MAN1A1: variants seen among roughly 807,000 people sequenced by gnomAD.
MAN1A1 encodes mannosyl-oligosaccharide 1,2-alpha-mannosidase IA.
MAN1A1 carries 29 observed loss-of-function variants against 70.8 expected under a neutral mutation model. The observed-to-expected ratio is 0.41, with a 90% confidence interval of 0.31 to 0.56. MAN1A1 has a LOEUF of 0.56. Among genes scored for constraint, MAN1A1 ranks in the 20% least tolerant of loss-of-function variants. The pLI is 0.29. For synonymous variants in MAN1A1, 349 were observed against 330.1 expected, an observed-to-expected ratio of 1.06 and a Z score of -0.62; for missense variants, 747 against 841.3, an observed-to-expected ratio of 0.89 and a Z score of 1.39.
chr6:119,219,619 C>A (rs1357582286), intron 6 of MAN1A1, among the ~76,000 whole-genome samples: 1 of 63,444 alleles, frequency 1.6e-5, no homozygotes, highest in Non-Finnish European at 2.9e-5. Context: ...CAATTTTAGA[C>A]ATCTACTCAA....
chr6:119,271,738 A>C (rs1278340539), intron 5 of MAN1A1, among the ~76,000 whole-genome samples: 1 of 152,106 alleles, frequency 6.6e-6, no homozygotes, highest in Non-Finnish European at 1.5e-5. Context: ...TCCTGACCTC[A>C]GGTGATCTGC....
At chr6:119,190,584 A>G (rs997771175) in intron 9 of MAN1A1, among the ~76,000 whole-genome samples, 1 of 152,218 alleles carries the variant, frequency 6.6e-6, no homozygotes, top group Non-Finnish European at 1.5e-5. Context: ...TATAATTATC[A>G]TTTACATCTC....
intron 6 of MAN1A1, among the ~76,000 whole-genome samples, chr6:119,242,178 G>C (rs1208552843): frequency 6.7e-6 from 1 of 148,318 alleles, no homozygotes; most frequent in Non-Finnish European, 1.5e-5. Context: ...CATTAATTAG[G>C]CACTAGCTAG....
chr6:119,199,428 T>C (rs1264254096), intron 8 of MAN1A1, among the ~76,000 whole-genome samples: 1 of 151,788 alleles, frequency 6.6e-6, no homozygotes, highest in Non-Finnish European at 1.5e-5. Context: ...TTTTCCTTGA[T>C]GCAACTATCA....
chr6:119,323,393 G>A (rs1221099235), intron 2 of MAN1A1, among the ~76,000 whole-genome samples: 1 of 152,110 alleles, frequency 6.6e-6, no homozygotes, highest in African/African-American at 2.4e-5. Flanking sequence ...TGAGACAAAT[G>A]TATTTCTAAT....
chr6:119,229,116 A>G (rs966742946), intron 6 of MAN1A1, among the ~76,000 whole-genome samples: 1 of 152,144 alleles, frequency 6.6e-6, no homozygotes, highest in East Asian at 1.9e-4. Flanking sequence ...ATTTGAGGCA[A>G]GAACTTTATT....
intron 8 of MAN1A1, among the ~76,000 whole-genome samples, chr6:119,199,754 A>G (rs1383888091): frequency 1.3e-5 from 2 of 151,200 alleles, no homozygotes; most frequent in African/African-American, 4.9e-5. Context: ...AAAAAAAAAA[A>G]ATTAAAAATT....
In MAN1A1 at chr6:119,349,672, C is replaced by A. The variant is rs11970091; in HGVS notation, c.-353G>T. 1.2e-4 allele frequency: 117 copies of A among 985,878 alleles called. No homozygotes were observed. In the African/African-American group the frequency reaches 2.0e-3, roughly 17 times the overall value. The allele number at this position is 985,878 out of a possible 1,614,324, so 61.1% of individuals were successfully genotyped here. A position where few individuals can be genotyped will look rare whatever the true frequency, so the allele number is the denominator to read the frequency against. On this transcript the variant is annotated 5_prime_UTR_variant, in exon 1 of 13. Transcript: ENST00000368468. ...CTGTCCCACGGTCCCGCAGCCCCGGCGCGGCTCAGGTGGGCGAGCGCGCCG... is the reference window on the plus strand; with the variant it reads ...CTGTCCCACGGTCCCGCAGCCCCGGAGCGGCTCAGGTGGGCGAGCGCGCCG...
At chr6:119,232,753 C>A (rs1739980436) in intron 6 of MAN1A1, among the ~76,000 whole-genome samples, 1 of 150,882 alleles carries the variant, frequency 6.6e-6, no homozygotes, top group South Asian at 2.1e-4. Flanking sequence ...TAGAAAATTA[C>A]AGAAGCATAA....
intron 6 of MAN1A1, among the ~76,000 whole-genome samples, chr6:119,244,666 G>A (rs867612722): frequency 9.2e-5 from 14 of 151,950 alleles, no homozygotes; most frequent in African/African-American, 3.4e-4. Context: ...ACTTATTGAT[G>A]TTTTGTCTCC....
intron 6 of MAN1A1, among the ~76,000 whole-genome samples, chr6:119,221,337 C>T (rs1365898466): frequency 2.0e-5 from 3 of 152,108 alleles, no homozygotes; most frequent in Middle Eastern, 3.2e-3. Flanking sequence ...CTTGTTTCTT[C>T]AATCGCATTT....
chr6:119,346,931 T>C lies in MAN1A1; in HGVS notation c.603+1532A>G, dbSNP rs567769400. 2.0e-5 allele frequency among the ~76,000 whole-genome samples: 3 copies of C among 152,300 alleles called. No homozygotes were observed. In the East Asian group the frequency reaches 5.8e-4, roughly 29 times the overall value. On this transcript the variant is annotated intron_variant, in intron 2 of 12. Coordinates refer to ENST00000368468, the MANE Select transcript of MAN1A1 (RefSeq NM_005907.4). Reference sequence around the variant, plus strand: ...TATTAAGGAGTCTGGGAGGATTTGGTAAGAGGTAGAGCTTTGTTCCACCTT... The same window carrying C: ...TATTAAGGAGTCTGGGAGGATTTGGCAAGAGGTAGAGCTTTGTTCCACCTT...
At chr6:119,293,241 A>C (rs1772099623) in intron 4 of MAN1A1, among the ~76,000 whole-genome samples, 1 of 152,120 alleles carries the variant, frequency 6.6e-6, no homozygotes, top group Admixed American at 6.6e-5. Flanking sequence ...CACTGCCAGA[A>C]ATATATCTTC....
At chr6:119,260,875 A>T (rs1390825869) in intron 5 of MAN1A1, among the ~76,000 whole-genome samples, 5 of 152,130 alleles carry the variant, frequency 3.3e-5, no homozygotes, top group African/African-American at 1.2e-4. Context: ...TTGGCAGGCA[A>T]ATGCCTCTTT....
chr6:119,346,873 T>G (rs571338543), intron 2 of MAN1A1, among the ~76,000 whole-genome samples: 1 of 152,276 alleles, frequency 6.6e-6, no homozygotes, highest in Non-Finnish European at 1.5e-5. Context: ...TACAGATCAT[T>G]TGGGTTAATT....
chr6:119,307,080 A>G, intron 2 of MAN1A1, 88 bp from the exon 3 acceptor site: 1 of 845,782 alleles, frequency 1.2e-6, no homozygotes, highest in Non-Finnish European at 1.9e-6. Flanking sequence ...CAAAGGCTAA[A>G]ACATTAAAAT....
At chr6:119,323,303 A>T (rs1773065048) in intron 2 of MAN1A1, among the ~76,000 whole-genome samples, 2 of 152,190 alleles carry the variant, frequency 1.3e-5, no homozygotes. Flanking sequence ...CCCAAAAATG[A>T]TGCAGTGGTT....
intron 4 of MAN1A1, among the ~76,000 whole-genome samples, chr6:119,297,905 C>T (rs116990390): frequency 0.028 from 4,223 of 151,674 alleles, 90 homozygotes; most frequent in Non-Finnish European, 0.045. Context: ...CAGCCTGGGC[C>T]TCCCAAAGTG....
At chr6:119,324,155 A>C (rs931202057) in intron 2 of MAN1A1, among the ~76,000 whole-genome samples, 1 of 152,186 alleles carries the variant, frequency 6.6e-6, no homozygotes, top group Non-Finnish European at 1.5e-5. Flanking sequence ...CTGAGACAGC[A>C]TGAACACCTC....
Sources: allele counts gnomAD v4.1 joint callset (sites outside exome capture counted in the v4.1 genomes callset), GRCh38; gene constraint gnomAD v4.1.1; transcripts MANE v1.5; gene names NCBI Gene and HGNC (gene_info 2026-07-23, HGNC 2026-07-21).